The following CLEC16A variants were observed in gnomAD, a reference collection of about 807,000 sequenced individuals.
The protein encoded by CLEC16A is protein CLEC16A.
In CLEC16A, 51 loss-of-function variants were observed where a neutral mutation model predicts 109.5. The observed-to-expected ratio is 0.47, with a 90% CI of 0.37 to 0.59. The LOEUF is 0.59. CLEC16A is among the 20% of genes least tolerant of loss of function. The pLI, the probability that CLEC16A is intolerant of heterozygous loss-of-function variation, is 0.00. For missense variants in CLEC16A, 1,339 were observed against 1,394.0 expected, an observed-to-expected ratio of 0.96 and a Z score of 0.63; for synonymous variants, 673 against 564.2, an observed-to-expected ratio of 1.19 and a Z score of -2.73.
At chr16:10,973,611 C>T (rs1315122147) in intron 7 of CLEC16A, among the ~76,000 whole-genome samples, 1 of 151,990 alleles carries the variant, frequency 6.6e-6, no homozygotes, top group East Asian at 1.9e-4. Flanking sequence ...CTCTGTCACC[C>T]AGGCTGGAGA....
At chr16:11,166,305 G>T in intron 22 of CLEC16A, 83 bp from the exon 23 acceptor site, 1 of 1,439,862 alleles carries the variant, frequency 6.9e-7, no homozygotes, top group Non-Finnish European at 9.3e-7. Context: ...AACTGAGGTT[G>T]GGTTGTTCAG....
At chr16:11,031,956 T>G (rs555920661) in intron 13 of CLEC16A, among the ~76,000 whole-genome samples, 1 of 152,322 alleles carries the variant, frequency 6.6e-6, no homozygotes, top group African/African-American at 2.4e-5. Context: ...CCAGGCAGTG[T>G]GCTCAACATG....
intron 10 of CLEC16A, among the ~76,000 whole-genome samples, chr16:10,983,387 A>G (rs1026838462): frequency 6.6e-6 from 1 of 152,212 alleles, no homozygotes; most frequent in African/African-American, 2.4e-5. Context: ...GGGTGTGGCA[A>G]ATTGGAGAGT....
intron 19 of CLEC16A, among the ~76,000 whole-genome samples, chr16:11,104,878 G>A (rs944777115): frequency 6.6e-6 from 1 of 152,214 alleles, no homozygotes; most frequent in Non-Finnish European, 1.5e-5. Context: ...ACCACATCCT[G>A]TGGAAGGTCC....
intron 10 of CLEC16A, 150 bp from the exon 11 acceptor site, chr16:11,002,924 C>T (rs543634032): frequency 1.6e-4 from 101 of 634,380 alleles, no homozygotes; most frequent in African/African-American, 1.4e-3. Flanking sequence ...TGAATAGTCC[C>T]GCAGTAAGCA....
intron 10 of CLEC16A, among the ~76,000 whole-genome samples, chr16:11,001,512 A>T (rs1330058757): frequency 6.6e-6 from 1 of 152,134 alleles, no homozygotes; most frequent in African/African-American, 2.4e-5. Flanking sequence ...TCTGACTCCA[A>T]CTCAGTAGCT....
chr16:11,003,378 C>T, intron 11 of CLEC16A, 73 bp downstream of exon 11: 1 of 1,200,924 alleles, frequency 8.3e-7, no homozygotes, highest in Non-Finnish European at 1.2e-6. Context: ...CCACCTGTGC[C>T]CTCTCCACCC....
At chr16:11,094,558 CT>C (rs2050496804) in intron 19 of CLEC16A, among the ~76,000 whole-genome samples, 1 of 152,208 alleles carries the variant, frequency 6.6e-6, no homozygotes, top group Non-Finnish European at 1.5e-5. Context: ...CCCCCTACAA[CT>C]TTTTCCAGGC....
At chr16:11,157,022 A>G (rs928649787) in intron 22 of CLEC16A, 60 of 1,280,008 alleles carry the variant, frequency 4.7e-5, no homozygotes, top group South Asian at 1.1e-4. Flanking sequence ...TAAGGGCACA[A>G]TTAGGACACA....
intron 3 of CLEC16A, among the ~76,000 whole-genome samples, chr16:10,967,335 A>C (rs981317503): frequency 7.9e-5 from 12 of 152,088 alleles, no homozygotes; most frequent in Admixed American, 6.5e-4. Flanking sequence ...CAAATAACTT[A>C]ATGGTTTATT....
At chr16:11,010,919 A>C (rs922276206) in intron 11 of CLEC16A, among the ~76,000 whole-genome samples, 2 of 151,906 alleles carry the variant, frequency 1.3e-5, no homozygotes, top group Admixed American at 1.3e-4. Flanking sequence ...TCTTTGTGTG[A>C]TGTGTCCTTG....
At chr16:11,137,189 G>GT (rs72530752) in intron 22 of CLEC16A, among the ~76,000 whole-genome samples, 43,084 of 151,770 alleles carry the variant, frequency 0.28, 6,334 homozygotes, top group African/African-American at 0.37. Context: ...TTCTGTTGGT[G>GT]TTTTTTTTCT....
chr16:11,024,765 G>A lies in CLEC16A; in HGVS notation c.1437-56G>A. The A allele has an allele frequency of 3.7e-6, 5 of 1,346,564 alleles. No individual in the cohort carries two copies. In the Admixed American group the frequency reaches 7.9e-5, roughly 21 times the overall value. 83.4% of individuals were successfully genotyped at this position (1,346,564 alleles called of 1,614,324 possible). On this transcript the variant is annotated intron_variant, in intron 12 of 23. Transcript: ENST00000409790. ...GCACCCCATGTGCAGGTTAGAGAGG[G>A]GAGGTGTTCACCCTTGTGCACCGTG... is the stretch of plus-strand genomic sequence containing the variant.
chr16:11,032,691 C>T (rs1424998691), intron 13 of CLEC16A, among the ~76,000 whole-genome samples: 1 of 152,002 alleles, frequency 6.6e-6, no homozygotes, highest in Non-Finnish European at 1.5e-5. Flanking sequence ...GAGCCACAGC[C>T]CAGAGAGTGA....
At chr16:11,169,448 A>C (rs995759971) in intron 23 of CLEC16A, among the ~76,000 whole-genome samples, 1 of 152,154 alleles carries the variant, frequency 6.6e-6, no homozygotes, top group East Asian at 1.9e-4. Flanking sequence ...CACCATGCCC[A>C]ACTAATTTTT....
intron 19 of CLEC16A, among the ~76,000 whole-genome samples, chr16:11,104,471 T>G (rs2051102915): frequency 6.6e-6 from 1 of 152,160 alleles, no homozygotes; most frequent in Admixed American, 6.5e-5. Context: ...GTCCTCTGCC[T>G]GGGGACCTCA....
chr16:11,010,556 A>C (rs1228617778), intron 11 of CLEC16A, among the ~76,000 whole-genome samples: 1 of 152,076 alleles, frequency 6.6e-6, no homozygotes, highest in East Asian at 1.9e-4. Flanking sequence ...CTCTGTCTGC[A>C]CACCCGCCCC....
rs1460645574 is a variant in CLEC16A, at chr16:11,178,149, T to C, written c.2807-186T>C. Among the ~76,000 whole-genome samples, 1 of 152,146 alleles carries C rather than the reference T, an allele frequency of 6.6e-6. No individual in the cohort carries two copies. Among genetic ancestry groups the C allele is most frequent in the African/African-American group, 2.4e-5 (1 of 41,436 alleles). ...CTGCTGTATTTTCCCCAGGCCTAAGTCAGACTGGATTTTGCAGGTTCTGTG... is the reference window on the plus strand; with the variant it reads ...CTGCTGTATTTTCCCCAGGCCTAAGCCAGACTGGATTTTGCAGGTTCTGTG... On this transcript the variant is annotated intron_variant, in intron 23 of 23. Transcript: ENST00000409790. This position sits in a 1 kb window ranked among gnomAD's most constrained non-coding sequence, Gnocchi z 6.5.
chr16:11,174,300 T>G lies in CLEC16A; in HGVS notation c.2807-4035T>G, dbSNP rs1247462230. The G allele has an allele frequency of 1.1e-5, 5 of 446,970 alleles. No homozygotes were observed. The highest frequency in any genetic ancestry group is 7.8e-5 in the South Asian group (5 of 64,040). 27.7% of individuals were successfully genotyped at this position (446,970 alleles called of 1,614,324 possible). A position where few individuals can be genotyped will look rare whatever the true frequency, so the allele number is the denominator to read the frequency against. On this transcript the variant is annotated intron_variant, in intron 23 of 23. Coordinates refer to ENST00000409790, the MANE Select transcript of CLEC16A (RefSeq NM_015226.3). The surrounding 1 kb of genome is among the most constrained non-coding windows in gnomAD (Gnocchi z 4.7). ...CAGGCAGGTCTCCCCTGTGAGCCGC[T>G]CGGGCCGCGACGTCCACTCGCCACG...
Sources: gnomAD v4.1 joint callset for allele counts (sites outside exome capture counted in the v4.1 genomes callset) on GRCh38, gnomAD v4.1.1 for gene constraint, Gnocchi (gnomAD v3.1) non-coding constraint, MANE v1.5 for transcripts, NCBI Gene and HGNC (gene_info 2026-07-23, HGNC 2026-07-21) for gene names.